CEP128: variants seen among roughly 807,000 people sequenced by gnomAD.
The protein encoded by CEP128 is centrosomal protein 128kDa.
In CEP128, 132 loss-of-function variants were observed where a neutral mutation model predicts 156.7. That is an observed-to-expected ratio of 0.84 (90% CI 0.73 to 0.97). The LOEUF is 0.97. Among genes scored for constraint, CEP128 ranks in the 50% least tolerant of loss-of-function variants. The pLI, the probability that CEP128 is intolerant of heterozygous loss-of-function variation, is 0.00. For synonymous variants in CEP128, 469 were observed against 448.9 expected (o/e 1.04, Z -0.57); for missense variants, 1,252 against 1,281.9 (o/e 0.98, Z 0.36).
intron 13 of CEP128, among the ~76,000 whole-genome samples, chr14:80,819,059 T>TG (rs1413940085): frequency 1.3e-5 from 2 of 152,074 alleles, no homozygotes; most frequent in East Asian, 3.9e-4. Flanking sequence ...CACCACAGAC[T>TG]GGGTGGCTTA....
intron 19 of CEP128, among the ~76,000 whole-genome samples, chr14:80,725,650 C>T (rs2139487292): frequency 1.3e-5 from 2 of 152,196 alleles, no homozygotes; most frequent in South Asian, 4.1e-4. Context: ...TTATAATATG[C>T]TAGAATTCTG....
At chr14:80,845,477 T>C (rs187371064) in intron 9 of CEP128, among the ~76,000 whole-genome samples, 2 of 152,266 alleles carry the variant, frequency 1.3e-5, no homozygotes, top group East Asian at 1.9e-4. Context: ...AAGAGATGCA[T>C]AGTTTTATTA....
chr14:80,879,430 T>C (rs1470059272), intron 8 of CEP128, among the ~76,000 whole-genome samples: 1 of 151,432 alleles, frequency 6.6e-6, no homozygotes, highest in Non-Finnish European at 1.5e-5. Flanking sequence ...AAAATACAAA[T>C]AGACAATTCA....
chr14:80,873,090 G>A (rs1264413893), intron 8 of CEP128, among the ~76,000 whole-genome samples: 1 of 152,162 alleles, frequency 6.6e-6, no homozygotes, highest in Middle Eastern at 3.2e-3. Context: ...TCAACTGAGT[G>A]TACAATTATG....
intron 2 of CEP128, among the ~76,000 whole-genome samples, chr14:80,935,426 C>T (rs1025250944): frequency 1.3e-5 from 2 of 151,636 alleles, no homozygotes; most frequent in Admixed American, 1.3e-4. Context: ...TGCTGAGCAC[C>T]TGTAATCCCT....
chr14:80,485,495 A>G (rs1007824770), downstream of CEP128, among the ~76,000 whole-genome samples: 1 of 152,170 alleles, frequency 6.6e-6, no homozygotes, highest in African/African-American at 2.4e-5. Flanking sequence ...CAAATTGTGT[A>G]TAACTATTAT....
At chr14:80,527,829 G>C (rs1256774410) in intron 22 of CEP128, among the ~76,000 whole-genome samples, 1 of 151,834 alleles carries the variant, frequency 6.6e-6, no homozygotes, top group Non-Finnish European at 1.5e-5. Flanking sequence ...AAAGATTCAG[G>C]TAATAAAAAA....
rs138600837 is a variant in CEP128 at position 80,620,394 on chromosome 14, G to A, written c.2807-39971C>T. Reference sequence around the variant, plus strand: ...TCCTAGGAATAAAGAATCACAAAGAGAACCAAGCAGAATAAGTAAATAAGT... The same window carrying A: ...TCCTAGGAATAAAGAATCACAAAGAAAACCAAGCAGAATAAGTAAATAAGT... On this transcript the variant is annotated intron_variant, in intron 19 of 24. Transcript: ENST00000555265. 1.6e-4 allele frequency among the ~76,000 whole-genome samples: 25 copies of A among 152,028 alleles called. No homozygotes were observed. The East Asian group carries it at 2.9e-3, about 18-fold the overall frequency.
At chr14:80,484,299 A>G (rs975641225) in intron 14 of CEP128, among the ~76,000 whole-genome samples, 1 of 152,164 alleles carries the variant, frequency 6.6e-6, no homozygotes, top group South Asian at 2.1e-4. Context: ...TTATTTATAC[A>G]AATTTTTCTA....
At chr14:80,553,503 G>A (rs563883082) in intron 21 of CEP128, among the ~76,000 whole-genome samples, 1 of 152,194 alleles carries the variant, frequency 6.6e-6, no homozygotes, top group African/African-American at 2.4e-5. Flanking sequence ...TACACTGACC[G>A]ACTTATATAT....
rs1435920067 is a variant in CEP128, at chr14:80,733,368, G to C, written c.2806+9707C>G. On this transcript the variant is annotated intron_variant, in intron 19 of 24. Coordinates refer to ENST00000555265, the MANE Select transcript of CEP128 (RefSeq NM_152446.5). ...TGTGTGTGTGTGTGTGTGTGTGTGT[G>C]TGTGTGTGTGTGTGTATTTGTGTGT... Among the ~76,000 whole-genome samples, 3 of 147,038 alleles carry C rather than the reference G, an allele frequency of 2.0e-5. No individual in the cohort carries two copies. The East Asian group carries it at 5.8e-4, about 29-fold the overall frequency.
chr14:80,803,355 T>A (rs200813829), intron 13 of CEP128, among the ~76,000 whole-genome samples: 5 of 143,800 alleles, frequency 3.5e-5, no homozygotes, highest in Non-Finnish European at 6.0e-5. Flanking sequence ...AGCCCTATGT[T>A]AAAAAAAAAA....
chr14:80,721,654 G>C (rs1354369872), intron 19 of CEP128, among the ~76,000 whole-genome samples: 1 of 151,934 alleles, frequency 6.6e-6, no homozygotes, highest in Admixed American at 6.6e-5. Context: ...TGTTTGTCTT[G>C]TTATGTTTCT....
At chr14:80,650,782 T>C (rs1894869470) in intron 19 of CEP128, among the ~76,000 whole-genome samples, 1 of 152,124 alleles carries the variant, frequency 6.6e-6, no homozygotes, top group Admixed American at 6.6e-5. Context: ...TTGATCATGG[T>C]GGATAAGCTT....
At chr14:80,854,829 G>A (rs929993253) in intron 9 of CEP128, among the ~76,000 whole-genome samples, 9 of 152,148 alleles carry the variant, frequency 5.9e-5, no homozygotes, top group African/African-American at 1.9e-4. Context: ...TATTTAGTAA[G>A]TATTATCTTC....
In CEP128 at chr14:80,532,642, C is replaced by G. The variant is rs928980157; in HGVS notation, c.2881-1756G>C. Reference sequence around the variant, plus strand: ...AGTAACTGTGCTAATTACTCCAATGCAAATGGCTTTCCAGAATTCTGCAGG... The same window carrying G: ...AGTAACTGTGCTAATTACTCCAATGGAAATGGCTTTCCAGAATTCTGCAGG... On this transcript the variant is annotated intron_variant, in intron 21 of 24. Coordinates refer to ENST00000555265, the MANE Select transcript of CEP128 (RefSeq NM_152446.5). 2.0e-5 allele frequency among the ~76,000 whole-genome samples: 3 copies of G among 152,188 alleles called. No homozygotes were observed. The East Asian group carries it at 5.8e-4, about 29-fold the overall frequency.
At position 80,702,281 on chromosome 14, in the gene CEP128, A is replaced by G. The variant is rs561681787; in HGVS notation, c.2806+40794T>C. Among the ~76,000 whole-genome samples, 8 of 152,328 alleles carry G rather than the reference A, an allele frequency of 5.3e-5. No homozygotes were observed. The South Asian group carries it at 1.7e-3, about 32-fold the overall frequency. ...CAAATATTTCTTGAAGGAAAGATTAATCAAAGGTTCAAGGTTTAGGAGGAA... is the reference window on the plus strand; with the variant it reads ...CAAATATTTCTTGAAGGAAAGATTAGTCAAAGGTTCAAGGTTTAGGAGGAA... On this transcript the variant is annotated intron_variant, in intron 19 of 24. Coordinates refer to ENST00000555265, the MANE Select transcript of CEP128 (RefSeq NM_152446.5).
In CEP128 at chr14:80,743,068, C is replaced by T. The variant is rs1390872031; in HGVS notation, c.2806+7G>A. 5.0e-6 allele frequency: 8 copies of T among 1,611,790 alleles called. No individual in the cohort carries two copies. Among genetic ancestry groups the T allele is most frequent in the Non-Finnish European group, 6.8e-6 (8 of 1,178,650 alleles). On this transcript the variant is annotated splice_region_variant and intron_variant, in intron 19 of 24. Coordinates refer to ENST00000555265, the MANE Select transcript of CEP128 (RefSeq NM_152446.5). ...CAAAGAAAAATGAAAGAACAACTAA[C>T]ACACACCTCTCTTCTCACGATGTAT... is the stretch of plus-strand genomic sequence containing the variant.
At chr14:80,612,682 T>C (rs921818600) in intron 19 of CEP128, among the ~76,000 whole-genome samples, 3 of 152,192 alleles carry the variant, frequency 2.0e-5, no homozygotes, top group African/African-American at 7.2e-5. Context: ...GAGTTAGCAA[T>C]ACTATTAGTG....
Sources: allele counts gnomAD v4.1 joint callset (sites outside exome capture counted in the v4.1 genomes callset), GRCh38; gene constraint gnomAD v4.1.1; transcripts MANE v1.5; gene names NCBI Gene and HGNC (gene_info 2026-07-23, HGNC 2026-07-21).